Variants in TAFA5 observed in about 807,000 individuals in gnomAD.
TAFA5 encodes TAFA chemokine like family member 5, also known as chemokine-like protein TAFA-5.
TAFA5 carries 6 observed loss-of-function variants against 15.3 expected under a neutral mutation model. That is an observed-to-expected ratio of 0.39 (90% CI 0.21 to 0.77). The LOEUF (loss-of-function observed/expected upper bound fraction) is 0.77. TAFA5 is among the 30% of genes least tolerant of loss of function. The pLI, the probability that TAFA5 is intolerant of heterozygous loss-of-function variation, is 0.41. For synonymous variants in TAFA5, 103 were observed against 80.7 expected (o/e 1.28, Z -1.48); for missense variants, 161 against 193.1 (o/e 0.83, Z 0.98).
At chr22:48,513,092 TC>T (rs1375570034) in intron 1 of TAFA5, among the ~76,000 whole-genome samples, 2 of 152,174 alleles carry the variant, frequency 1.3e-5, no homozygotes, top group Non-Finnish European at 2.9e-5. Context: ...GTGCGTTTCT[TC>T]CCAGGCACAG....
chr22:48,570,127 TG>T (rs1923534720), intron 1 of TAFA5, among the ~76,000 whole-genome samples: 1 of 152,212 alleles, frequency 6.6e-6, no homozygotes, highest in Admixed American at 6.5e-5. Context: ...CGGTCCACAC[TG>T]GATGGATTCT....
chr22:48,683,896 T>C (rs1372328757), intron 2 of TAFA5, among the ~76,000 whole-genome samples: 1 of 152,066 alleles, frequency 6.6e-6, no homozygotes, highest in Non-Finnish European at 1.5e-5. Context: ...CGTTGCCGGC[T>C]CTCCCTCCTG....
chr22:48,496,500 C>A, intron 1 of TAFA5, among the ~76,000 whole-genome samples: 1 of 152,156 alleles, frequency 6.6e-6, no homozygotes, highest in Non-Finnish European at 1.5e-5. Flanking sequence ...ATGTGGAAAC[C>A]CTTCTATACA....
intron 2 of TAFA5, among the ~76,000 whole-genome samples, chr22:48,680,219 G>T (rs1339148875): frequency 6.6e-6 from 1 of 152,256 alleles, no homozygotes; most frequent in East Asian, 1.9e-4. Flanking sequence ...CTTCTTTGCT[G>T]GAAGCAGAGT....
chr22:48,617,583 G>A (rs1393292695), intron 1 of TAFA5, among the ~76,000 whole-genome samples: 15 of 152,236 alleles, frequency 9.9e-5, no homozygotes, highest in African/African-American at 1.9e-4. Flanking sequence ...CCTCACTGTC[G>A]TCACCTCTCA....
At chr22:48,610,846 A>G (rs968092336) in intron 1 of TAFA5, among the ~76,000 whole-genome samples, 2 of 152,074 alleles carry the variant, frequency 1.3e-5, no homozygotes, top group Admixed American at 6.5e-5. Flanking sequence ...TCCCCCTCCC[A>G]GACTGTGGTG....
At chr22:48,637,050 G>A (rs1926476162) in intron 1 of TAFA5, among the ~76,000 whole-genome samples, 1 of 152,272 alleles carries the variant, frequency 6.6e-6, no homozygotes, top group Middle Eastern at 3.4e-3. Flanking sequence ...GCCCTGGCTC[G>A]GGGCTTCTGG....
At chr22:48,496,633 G>T (rs1002351136) in intron 1 of TAFA5, among the ~76,000 whole-genome samples, 1 of 152,188 alleles carries the variant, frequency 6.6e-6, no homozygotes, top group Non-Finnish European at 1.5e-5. Context: ...TCCACCCAGA[G>T]CTGGGCACAG....
intron 2 of TAFA5, among the ~76,000 whole-genome samples, chr22:48,677,373 C>T (rs1310138958): frequency 2.6e-5 from 4 of 152,212 alleles, no homozygotes; most frequent in African/African-American, 7.2e-5. Flanking sequence ...ATGGGGATGC[C>T]GGGGTCGGTG....
chr22:48,699,228 CTGCTGACAACGCCT>C (rs912121472), intron 2 of TAFA5, among the ~76,000 whole-genome samples: 8 of 152,138 alleles, frequency 5.3e-5, no homozygotes, highest in Non-Finnish European at 8.8e-5. Context: ...CCACCGTGCC[CTGCTGACAACGCCT>C]TTTAAGGGAA....
intron 1 of TAFA5, among the ~76,000 whole-genome samples, chr22:48,564,764 C>T (rs1239917850): frequency 1.3e-5 from 2 of 152,150 alleles, no homozygotes; most frequent in African/African-American, 4.8e-5. Context: ...CCTTGGGAGC[C>T]ACTGAGGGAA....
intron 2 of TAFA5, among the ~76,000 whole-genome samples, chr22:48,681,989 C>G (rs729578): frequency 8.4e-6 from 1 of 119,220 alleles, no homozygotes; most frequent in African/African-American, 2.7e-5. Flanking sequence ...TTGTTGTGGA[C>G]TCACTGGAGA....
intron 3 of TAFA5, among the ~76,000 whole-genome samples, chr22:48,744,968 A>T (rs1393551061): frequency 1.3e-5 from 2 of 152,066 alleles, no homozygotes; most frequent in Non-Finnish European, 2.9e-5. Flanking sequence ...GTTAGTCAGG[A>T]TGGTCTCGAA....
chr22:48,652,265 C>T (rs796560507), intron 2 of TAFA5, among the ~76,000 whole-genome samples: 4 of 152,318 alleles, frequency 2.6e-5, no homozygotes, highest in South Asian at 2.1e-4. Flanking sequence ...CCCTAAGATG[C>T]GGTGTCTGTG....
At chr22:48,710,540 C>T (rs1929219388) in intron 3 of TAFA5, among the ~76,000 whole-genome samples, 1 of 152,136 alleles carries the variant, frequency 6.6e-6, no homozygotes, top group Non-Finnish European at 1.5e-5. Context: ...CCAGGGCCGC[C>T]CAAGCAGCCT....
intron 2 of TAFA5, among the ~76,000 whole-genome samples, chr22:48,649,732 G>C (rs890534127): frequency 3.3e-5 from 5 of 152,142 alleles, no homozygotes; most frequent in Admixed American, 2.6e-4. Context: ...ATGGTGGCCG[G>C]GGCGCCTTCT....
chr22:48,679,026 A>C (rs1928079012), intron 2 of TAFA5, among the ~76,000 whole-genome samples: 2 of 22,646 alleles, frequency 8.8e-5, no homozygotes, highest in African/African-American at 2.0e-4. Flanking sequence ...CTCCGCGTCC[A>C]TCCCTCTCCT....
intron 1 of TAFA5, among the ~76,000 whole-genome samples, chr22:48,534,429 A>G (rs893596042): frequency 6.6e-6 from 1 of 152,102 alleles, no homozygotes. Flanking sequence ...GTAACCCTGC[A>G]TGGCCAGCTC....
chr22:48,638,015 T>C (rs919964620), intron 1 of TAFA5, among the ~76,000 whole-genome samples: 3 of 151,948 alleles, frequency 2.0e-5, no homozygotes, highest in African/African-American at 7.3e-5. Context: ...GCTGAGGACA[T>C]AGTGCAAGGG....
Sources: allele counts gnomAD v4.1 joint callset (sites outside exome capture counted in the v4.1 genomes callset), GRCh38; gene constraint gnomAD v4.1.1; transcripts MANE v1.5; gene names NCBI Gene and HGNC (gene_info 2026-07-23, HGNC 2026-07-21).